FIBCD1: variants seen among roughly 807,000 people sequenced by gnomAD.
FIBCD1 encodes the protein fibrinogen C domain containing 1.
FIBCD1 carries 47 observed loss-of-function variants against 45.1 expected under a neutral mutation model. The ratio of observed to expected loss-of-function variants is 1.04; its 90% CI spans 0.82 to 1.33. The LOEUF (loss-of-function observed/expected upper bound fraction) is 1.33, where lower values mean the gene tolerates loss of function less well. Ranked by LOEUF, FIBCD1 falls within the 40% of genes most tolerant of loss-of-function variation. FIBCD1 has a pLI of 0.00. For synonymous variants in FIBCD1, 313 were observed against 308.1 expected (o/e 1.02, Z -0.17); for missense variants, 653 against 682.2 (o/e 0.96, Z 0.48).
chr9:130,925,831 AC>A (rs1214885716), intron 2 of FIBCD1, among the ~76,000 whole-genome samples: 1 of 152,202 alleles, frequency 6.6e-6, no homozygotes, highest in African/African-American at 2.4e-5. Context: ...GGGTCTTTAT[AC>A]ACCTAACATG....
intron 4 of FIBCD1, among the ~76,000 whole-genome samples, chr9:130,918,878 G>A (rs11793004): frequency 0.098 from 14,883 of 152,270 alleles, 813 homozygotes; most frequent in Admixed American, 0.16. Context: ...CCCGCGCAGG[G>A]CCGGTGGGGA....
At chr9:130,914,106 C>T (rs1001592523) in intron 4 of FIBCD1, among the ~76,000 whole-genome samples, 2 of 152,070 alleles carry the variant, frequency 1.3e-5, no homozygotes, top group Admixed American at 6.5e-5. Context: ...AGGCCTGGCA[C>T]ATAGTAGGTG....
At chr9:130,905,590 C>A (rs527593699) in intron 5 of FIBCD1, among the ~76,000 whole-genome samples, 177 bp from the exon 6 acceptor site, 2 of 152,360 alleles carry the variant, frequency 1.3e-5, no homozygotes, top group South Asian at 4.1e-4. Flanking sequence ...GTTGGGCAAG[C>A]CACTGAGGAC....
intron 4 of FIBCD1, among the ~76,000 whole-genome samples, chr9:130,915,383 T>C (rs1036821450): frequency 2.6e-5 from 4 of 152,114 alleles, no homozygotes; most frequent in Admixed American, 6.5e-5. Flanking sequence ...CCTGTCCAGG[T>C]AGCCCGAATC....
In FIBCD1 at chr9:130,929,822, G is replaced by C. The variant is rs376634045; in HGVS notation, c.297C>G (p.Pro99=). 3 of 1,550,032 alleles carry C rather than the reference G, an allele frequency of 1.9e-6. No individual in the cohort carries two copies. Among genetic ancestry groups the C allele is most frequent in the Non-Finnish European group, 8.7e-7 (1 of 1,146,902 alleles). The change falls in exon 2 of 7, where the codon CCC becomes CCG. Residue 99 remains proline, a synonymous_variant. Coordinates refer to ENST00000372338, the MANE Select transcript of FIBCD1 (RefSeq NM_032843.5). The stretch of plus-strand genomic sequence containing the variant: ...GGCGTGCGAAGCTGTCGGTGAGGTC[G>C]GGGCAGCGCGGGTCAATGAGGATGC... ...HLSILIDPRC[P]DLTDSFARLE... is the part of the protein sequence containing the mutation.
chr9:130,909,760 T>TAAAAA (rs34679672), intron 5 of FIBCD1, among the ~76,000 whole-genome samples: 1 of 147,168 alleles, frequency 6.8e-6, no homozygotes, highest in Admixed American at 6.7e-5. Context: ...AGTGAAATGT[T>TAAAAA]AAAAAAAAAA....
In FIBCD1 at chr9:130,903,966, G is replaced by T; in HGVS notation, c.*98C>A. 1 of 1,500,884 alleles carries T rather than the reference G, an allele frequency of 6.7e-7. No individual in the cohort carries two copies. Among genetic ancestry groups the T allele is most frequent in the Non-Finnish European group, 9.1e-7 (1 of 1,101,400 alleles). The allele number at this position is 1,500,884 out of a possible 1,614,324, so 93.0% of individuals were successfully genotyped here. ...CCCCTCCCTACTGGAGAGTGGGTCC[G>T]CCAGGCACAGGTGGGTGGAGAACAT... On this transcript the variant is annotated 3_prime_UTR_variant, in exon 7 of 7. Coordinates refer to ENST00000372338, the MANE Select transcript of FIBCD1 (RefSeq NM_032843.5).
At chr9:130,919,105 G>A (rs1034162895) in intron 4 of FIBCD1, among the ~76,000 whole-genome samples, 2 of 152,320 alleles carry the variant, frequency 1.3e-5, no homozygotes, top group East Asian at 1.9e-4. Context: ...CCAAGCTGCC[G>A]TTTCTCGGGT....
intron 4 of FIBCD1, among the ~76,000 whole-genome samples, chr9:130,920,811 G>A (rs550717155): frequency 7.9e-5 from 12 of 152,322 alleles, no homozygotes; most frequent in East Asian, 1.9e-4. Context: ...CTGGGCCCTG[G>A]GGCTCCCCAT....
chr9:130,905,662 C>T (rs910423103), intron 5 of FIBCD1, among the ~76,000 whole-genome samples: 3 of 152,140 alleles, frequency 2.0e-5, no homozygotes, highest in African/African-American at 4.8e-5. Context: ...GCTTTTCAAA[C>T]GTTGGGGCTC....
At chr9:130,934,755 C>T (rs758855670) in intron 1 of FIBCD1, among the ~76,000 whole-genome samples, 1 of 152,238 alleles carries the variant, frequency 6.6e-6, no homozygotes, top group Non-Finnish European at 1.5e-5. Context: ...ACCAACCCTA[C>T]CTGTTGCCCC....
At chr9:130,933,353 G>A (rs928412485) in intron 1 of FIBCD1, among the ~76,000 whole-genome samples, 2 of 152,262 alleles carry the variant, frequency 1.3e-5, no homozygotes, top group South Asian at 2.1e-4. Context: ...GCTGAGCTGG[G>A]TGCACTCCCT....
intron 4 of FIBCD1, among the ~76,000 whole-genome samples, chr9:130,920,991 C>T (rs1027510068): frequency 1.3e-5 from 2 of 152,230 alleles, no homozygotes; most frequent in South Asian, 2.1e-4. Flanking sequence ...TGGGTGACCT[C>T]GGGCACATCC....
chr9:130,919,320 G>T (rs1344296950), intron 4 of FIBCD1, among the ~76,000 whole-genome samples: 1 of 152,228 alleles, frequency 6.6e-6, no homozygotes, highest in African/African-American at 2.4e-5. Flanking sequence ...CCCAGGCAGG[G>T]TGTGGGCCAG....
intron 5 of FIBCD1, among the ~76,000 whole-genome samples, chr9:130,908,710 C>T (rs1046317232): frequency 1.3e-5 from 2 of 152,184 alleles, no homozygotes; most frequent in South Asian, 2.1e-4. Context: ...GCATGGGAAG[C>T]GTGTAGCTGG....
chr9:130,926,284 G>A lies in FIBCD1; in HGVS notation c.553-1888C>T, dbSNP rs117777711. 0.047 allele frequency among the ~76,000 whole-genome samples: 7,151 copies of A among 152,306 alleles called. 251 individuals carry two copies. Among genetic ancestry groups the A allele is most frequent in the Non-Finnish European group, 0.076 (5,142 of 68,018 alleles). Reference sequence around the variant, plus strand: ...GCACGGCCTCCTCCCTCTTGCTAACGGGCAGGGAAGACCTCTGTTTAAACC... The same window carrying A: ...GCACGGCCTCCTCCCTCTTGCTAACAGGCAGGGAAGACCTCTGTTTAAACC... On this transcript the variant is annotated intron_variant, in intron 2 of 6. Transcript: ENST00000372338. This position sits in a 1 kb window ranked among gnomAD's most constrained non-coding sequence, Gnocchi z 4.1.
At chr9:130,912,581 C>T (rs2133080709) in intron 4 of FIBCD1, among the ~76,000 whole-genome samples, 1 of 151,920 alleles carries the variant, frequency 6.6e-6, no homozygotes, top group Admixed American at 6.6e-5. Flanking sequence ...GTGGCATGCA[C>T]CTGTAATCCC....
chr9:130,928,259 C>T (rs1429666136), intron 2 of FIBCD1, among the ~76,000 whole-genome samples: 3 of 152,184 alleles, frequency 2.0e-5, no homozygotes, highest in Non-Finnish European at 4.4e-5. Flanking sequence ...TGTACCTCTG[C>T]GCAGGCTATT....
At chr9:130,938,306 T>A (rs1295186943) in intron 1 of FIBCD1, 2 of 424,024 alleles carry the variant, frequency 4.7e-6, no homozygotes, top group Non-Finnish European at 8.4e-6. Context: ...GCGGGAGACC[T>A]GGCCCGCAGC....
Sources: allele counts gnomAD v4.1 joint callset (sites outside exome capture counted in the v4.1 genomes callset), GRCh38; gene constraint gnomAD v4.1.1; non-coding constraint Gnocchi (gnomAD v3.1); transcripts MANE v1.5; gene names NCBI Gene and HGNC (gene_info 2026-07-23, HGNC 2026-07-21).